PAEP: variants seen among roughly 807,000 people sequenced by gnomAD.
PAEP encodes progestagen associated endometrial protein.
A neutral mutation model predicts 23.0 loss-of-function variants in PAEP; 28 were observed. The observed-to-expected ratio is 1.22, with a 90% CI of 0.90 to 1.67. The LOEUF is 1.67. Among genes scored for constraint, PAEP ranks in the 40% most tolerant of loss-of-function variants. The pLI is 0.00. For missense variants in PAEP, 209 were observed against 226.4 expected (o/e 0.92, Z 0.49); for synonymous variants, 103 against 92.4 (o/e 1.12, Z -0.66).
At chr9:135,562,255 G>C (rs1262992408) in intron 1 of PAEP, 39 bp from the exon 2 acceptor site, 1 of 1,604,404 alleles carries the variant, frequency 6.2e-7, no homozygotes. Context: ...CGAGAGCCAT[G>C]GTGGGGTGGG....
At chr9:135,562,245 C>A in intron 1 of PAEP, 49 bp from the exon 2 acceptor site, 1 of 1,597,048 alleles carries the variant, frequency 6.3e-7, no homozygotes, top group South Asian at 1.1e-5. Flanking sequence ...CCGGGTGCAA[C>A]GAGAGCCATG....
intron 2 of PAEP, 108 bp from the exon 3 acceptor site, chr9:135,562,712 G>A (rs755663517): frequency 3.0e-5 from 29 of 951,328 alleles, no homozygotes; most frequent in Middle Eastern, 2.2e-4. Context: ...TGCGGGCTGC[G>A]GTGCTCCTTG....
intron 1 of PAEP, 35 bp downstream of exon 1, chr9:135,561,932 G>A: frequency 1.4e-6 from 2 of 1,413,326 alleles, no homozygotes; most frequent in Non-Finnish European, 2.0e-6. Flanking sequence ...TTTACTGTGG[G>A]AGGCCTGGGG....
rs1234051603 is a variant in PAEP, at chr9:135,566,952, CA to C, written c.*403del. ...TACAAAACAAAAGGGTCCACTTTCA[CA>C]AACTTGTGAAATGTCTAGAACAATA... On this transcript the variant is annotated 3_prime_UTR_variant, in exon 7 of 7. Transcript: ENST00000479141. 1 of 152,194 alleles carries C rather than the reference CA, an allele frequency of 6.6e-6. No individual in the cohort carries two copies. The highest frequency in any genetic ancestry group is 1.5e-5 in the Non-Finnish European group (1 of 68,030). 9.4% of individuals were successfully genotyped at this position (152,194 alleles called of 1,614,324 possible). A position where few individuals can be genotyped will look rare whatever the true frequency, so the allele number is the denominator to read the frequency against.
At chr9:135,566,400 C>G (rs1832579466) in intron 6 of PAEP, 153 bp from the exon 7 acceptor site, 1 of 154,696 alleles carries the variant, frequency 6.5e-6, no homozygotes, top group Non-Finnish European at 1.4e-5. Flanking sequence ...AATCTCTTGA[C>G]CTCATGATCC....
intron 4 of PAEP, 125 bp from the exon 5 acceptor site, chr9:135,565,285 A>T (rs1832524067): frequency 7.6e-6 from 6 of 791,776 alleles, no homozygotes; most frequent in Admixed American, 6.3e-5. Flanking sequence ...TCCAGACCAA[A>T]CTCTGCCAGA....
At position 135,564,249 on chromosome 9, in the gene PAEP, G is replaced by A; in HGVS notation, c.316G>A (p.Val106Met). 2.6e-6 allele frequency: 4 copies of A among 1,552,574 alleles called. No individual in the cohort carries two copies. Among genetic ancestry groups the A allele is most frequent in the Non-Finnish European group, 3.5e-6 (4 of 1,147,376 alleles). The change falls in exon 4 of 7, where the codon GTG becomes ATG. Residue 106 changes from valine to methionine, a missense_variant. Val to Met is a conservative substitution (Grantham distance 21). Transcript: ENST00000479141. ...TTCTTCTCTTCTTTCCCCAGATACGGTGGCGAACGAGGCCACGCTGCTCGA... is the reference window on the plus strand; with the variant it reads ...TTCTTCTCTTCTTTCCCCAGATACGATGGCGAACGAGGCCACGCTGCTCGA... ...NPKKFKINYT[V>M]ANEATLLDTD...
At chr9:135,565,291 C>A in intron 4 of PAEP, 119 bp from the exon 5 acceptor site, 1 of 833,516 alleles carries the variant, frequency 1.2e-6, no homozygotes, top group Non-Finnish European at 2.0e-6. Context: ...CCAAACTCTG[C>A]CAGACCTCGG....
At chr9:135,562,486 A>G (rs928920969) in intron 2 of PAEP, 53 bp downstream of exon 2, 2 of 1,592,456 alleles carry the variant, frequency 1.3e-6, no homozygotes, top group Non-Finnish European at 8.6e-7. Flanking sequence ...CTCCCCCCTC[A>G]GGGGTCCAGG....
chr9:135,564,248 G>C lies in PAEP; in HGVS notation c.315G>C (p.Thr105=). The C allele has an allele frequency of 6.4e-7, 1 of 1,552,494 alleles. No homozygotes were observed. The highest frequency in any genetic ancestry group is 2.4e-5 in the East Asian group (1 of 41,048). Residue 105 remains threonine (T), a synonymous_variant, in exon 4 of 7, where the codon ACG becomes ACC. Coordinates refer to ENST00000479141, the MANE Select transcript of PAEP (RefSeq NM_002571.4). ...ENPKKFKINY[T]VANEATLLDT... The stretch of plus-strand genomic sequence containing the variant: ...GTTCTTCTCTTCTTTCCCCAGATAC[G>C]GTGGCGAACGAGGCCACGCTGCTCG...
At chr9:135,565,037 T>G (rs1190387987) in intron 4 of PAEP, among the ~76,000 whole-genome samples, 2 of 151,454 alleles carry the variant, frequency 1.3e-5, no homozygotes, top group Non-Finnish European at 3.0e-5. Flanking sequence ...GCACAGTGTT[T>G]CCTCTGGGGT....
At chr9:135,562,651 C>A (rs1458119582) in intron 2 of PAEP, among the ~76,000 whole-genome samples, 169 bp from the exon 3 acceptor site, 1 of 152,202 alleles carries the variant, frequency 6.6e-6, no homozygotes. Context: ...GGGCCAACAG[C>A]CAACCACACA....
chr9:135,563,000 C>T (rs1832383534), intron 3 of PAEP, 107 bp downstream of exon 3: 1 of 814,344 alleles, frequency 1.2e-6, no homozygotes, highest in Non-Finnish European at 2.1e-6. Context: ...GGCCTGTCCC[C>T]ACTCTCTCTG....
chr9:135,563,251 TATGTATAC>T, intron 3 of PAEP, among the ~76,000 whole-genome samples: 2 of 138,614 alleles, frequency 1.4e-5, no homozygotes, highest in Non-Finnish European at 3.1e-5. Context: ...GGTAGGTGGA[TATGTATAC>T]AGGTGGGCAG....
chr9:135,562,196 T>C, intron 1 of PAEP, 98 bp from the exon 2 acceptor site: 1 of 1,383,490 alleles, frequency 7.2e-7, no homozygotes, highest in Non-Finnish European at 9.9e-7. Context: ...CATCCAATGC[T>C]CACTGTACCC....
In PAEP at chr9:135,564,265, C is replaced by A. The variant is rs140662981; in HGVS notation, c.332C>A (p.Thr111Lys). The A allele has an allele frequency of 3.9e-6, 6 of 1,553,064 alleles. No individual in the cohort carries two copies. The highest frequency in any genetic ancestry group is 1.4e-5 in the African/African-American group (1 of 73,196). Residue 111 changes from threonine to lysine, a missense_variant, in exon 4 of 7, where the codon ACG becomes AAG. By Grantham distance (78) the Thr-to-Lys change is moderately conservative. Coordinates refer to ENST00000479141, the MANE Select transcript of PAEP (RefSeq NM_002571.4). Reference sequence around the variant, plus strand: ...CCAGATACGGTGGCGAACGAGGCCACGCTGCTCGATACTGACTACGACAAT... The same window carrying A: ...CCAGATACGGTGGCGAACGAGGCCAAGCTGCTCGATACTGACTACGACAAT... ...KINYTVANEA[T>K]LLDTDYDNFL...
chr9:135,563,888 T>G (rs577185090), intron 3 of PAEP, among the ~76,000 whole-genome samples: 1 of 152,192 alleles, frequency 6.6e-6, no homozygotes, highest in African/African-American at 2.4e-5. Context: ...CAAGGTCCAT[T>G]TCTTCTCCCT....
At chr9:135,565,605 G>A (rs1832541361) in intron 5 of PAEP, 91 bp downstream of exon 5, 1 of 1,406,230 alleles carries the variant, frequency 7.1e-7, no homozygotes, top group African/African-American at 1.4e-5. Flanking sequence ...GCAGGACTCA[G>A]GTCACTCCTT....
chr9:135,561,970 G>A (rs1288485762), intron 1 of PAEP, 73 bp downstream of exon 1: 3 of 1,170,126 alleles, frequency 2.6e-6, no homozygotes, highest in Non-Finnish European at 2.5e-6. Flanking sequence ...CAGGCAGGAA[G>A]CCCAGGATCT....
Sources: allele counts gnomAD v4.1 joint callset (sites outside exome capture counted in the v4.1 genomes callset), GRCh38; gene constraint gnomAD v4.1.1; transcripts MANE v1.5; gene names NCBI Gene and HGNC (gene_info 2026-07-23, HGNC 2026-07-21).